Variants in NUP98 observed in about 807,000 individuals in gnomAD.
NUP98 encodes the protein nuclear pore complex protein Nup98-Nup96.
A neutral mutation model predicts 191.9 loss-of-function variants in NUP98; 26 were observed. The ratio of observed to expected loss-of-function variants is 0.14; its 90% CI spans 0.10 to 0.19. The LOEUF (loss-of-function observed/expected upper bound fraction) is 0.19, where lower values mean the gene tolerates loss of function less well. Ranked by LOEUF, NUP98 falls within the 10% of genes least tolerant of loss-of-function variation. NUP98 has a pLI of 1.00. For missense variants in NUP98, 1,941 were observed against 2,178.8 expected (o/e 0.89, Z 2.17); for synonymous variants, 808 against 778.4 (o/e 1.04, Z -0.63).
At chr11:3,787,120 A>G (rs1212885460) in intron 1 of NUP98, among the ~76,000 whole-genome samples, 1 of 151,200 alleles carries the variant, frequency 6.6e-6, no homozygotes, top group African/African-American at 2.4e-5. Context: ...CCTAGATAAG[A>G]AAAGAGGGCT....
chr11:3,694,189 T>C (rs865854368), intron 26 of NUP98, among the ~76,000 whole-genome samples: 17 of 151,084 alleles, frequency 1.1e-4, no homozygotes, highest in African/African-American at 2.7e-4. Flanking sequence ...CTGGCCAACA[T>C]GGGGAAACCC....
At chr11:3,722,625 G>A (rs1484432969) in intron 16 of NUP98, among the ~76,000 whole-genome samples, 1 of 152,082 alleles carries the variant, frequency 6.6e-6, no homozygotes, top group Non-Finnish European at 1.5e-5. Flanking sequence ...CCAGGATTTT[G>A]AGACCAGCCC....
intron 28 of NUP98, among the ~76,000 whole-genome samples, chr11:3,688,987 A>G (rs1365113134): frequency 6.6e-6 from 1 of 152,078 alleles, no homozygotes; most frequent in East Asian, 1.9e-4. Flanking sequence ...TAATCCCAGT[A>G]CTTTAGGAGG....
chr11:3,784,151 G>A (rs2082064338), intron 1 of NUP98, among the ~76,000 whole-genome samples: 2 of 152,118 alleles, frequency 1.3e-5, no homozygotes, highest in Admixed American at 6.6e-5. Flanking sequence ...AACTCAGGCC[G>A]TGTTCATATA....
At chr11:3,774,127 C>T (rs1193427928) in intron 5 of NUP98, among the ~76,000 whole-genome samples, 5 of 152,156 alleles carry the variant, frequency 3.3e-5, no homozygotes, top group East Asian at 1.9e-4. Flanking sequence ...GGGCCAGGAG[C>T]GGTGGCTCAC....
chr11:3,766,102 C>G (rs1304791992), intron 8 of NUP98, among the ~76,000 whole-genome samples: 1 of 152,106 alleles, frequency 6.6e-6, no homozygotes, highest in Admixed American at 6.6e-5. Flanking sequence ...AAGCCAGGTA[C>G]AGCTGCTCAC....
chr11:3,786,125 T>C (rs2082132447), intron 1 of NUP98, among the ~76,000 whole-genome samples: 1 of 152,224 alleles, frequency 6.6e-6, no homozygotes, highest in African/African-American at 2.4e-5. Flanking sequence ...CAAGAATCTA[T>C]TTGCCCAAGA....
chr11:3,710,676 A>G (rs998693270), intron 20 of NUP98, among the ~76,000 whole-genome samples: 4 of 152,198 alleles, frequency 2.6e-5, no homozygotes, highest in Non-Finnish European at 5.9e-5. Flanking sequence ...TAGTTTCCCC[A>G]TGCAAAGTAA....
intron 7 of NUP98, 78 bp downstream of exon 7, chr11:3,771,669 AT>A: frequency 7.0e-6 from 9 of 1,282,034 alleles, no homozygotes; most frequent in Non-Finnish European, 1.0e-5. Context: ...CATAGCACTT[AT>A]CCCAAAATGG....
At chr11:3,789,257 T>C (rs2082253229) in intron 1 of NUP98, among the ~76,000 whole-genome samples, 1 of 152,150 alleles carries the variant, frequency 6.6e-6, no homozygotes, top group African/African-American at 2.4e-5. Flanking sequence ...GTCCCCTCAC[T>C]CTAAACTTTG....
At chr11:3,702,258 C>T (rs1275500505) in intron 23 of NUP98, among the ~76,000 whole-genome samples, 3 of 147,206 alleles carry the variant, frequency 2.0e-5, no homozygotes, top group Non-Finnish European at 4.5e-5. Flanking sequence ...ACACACACAC[C>T]GGGGAAACAG....
chr11:3,732,608 A>T (rs1037393061), intron 13 of NUP98, among the ~76,000 whole-genome samples: 1 of 152,240 alleles, frequency 6.6e-6, no homozygotes, highest in African/African-American at 2.4e-5. Flanking sequence ...CATTAAGTCA[A>T]ACTCTGGGTA....
At chr11:3,755,375 G>A (rs1291720072) in intron 10 of NUP98, among the ~76,000 whole-genome samples, 1 of 151,614 alleles carries the variant, frequency 6.6e-6, no homozygotes, top group Non-Finnish European at 1.5e-5. Context: ...GACGCAGGAA[G>A]ATCGCTTGAA....
At chr11:3,795,207 G>A (rs956749952) in intron 1 of NUP98, among the ~76,000 whole-genome samples, 2 of 152,146 alleles carry the variant, frequency 1.3e-5, no homozygotes, top group Admixed American at 6.5e-5. Flanking sequence ...TTGGGAGGCC[G>A]AGGTGGGGGA....
At chr11:3,724,128 T>A (rs1245744064) in intron 15 of NUP98, among the ~76,000 whole-genome samples, 2 of 152,026 alleles carry the variant, frequency 1.3e-5, no homozygotes, top group Middle Eastern at 3.2e-3. Flanking sequence ...TAATAAAATA[T>A]ATTTATAAAG....
intron 21 of NUP98, among the ~76,000 whole-genome samples, chr11:3,706,118 A>G (rs1373281608): frequency 1.3e-5 from 2 of 152,020 alleles, no homozygotes; most frequent in African/African-American, 4.8e-5. Context: ...GCAGTGAACC[A>G]AGATCACACC....
At chr11:3,718,335 A>C (rs562611375) in intron 18 of NUP98, among the ~76,000 whole-genome samples, 2 of 152,270 alleles carry the variant, frequency 1.3e-5, no homozygotes, top group South Asian at 4.1e-4. Flanking sequence ...CAGGAGTTCA[A>C]GACCAGCCTG....
At chr11:3,737,614 G>A (rs891869794) in intron 12 of NUP98, among the ~76,000 whole-genome samples, 6 of 152,150 alleles carry the variant, frequency 3.9e-5, no homozygotes, top group South Asian at 2.1e-4. Flanking sequence ...GCGACAGAGC[G>A]AGATTCCGTC....
At chr11:3,707,884 T>C (rs950761358) in intron 20 of NUP98, among the ~76,000 whole-genome samples, 1 of 152,074 alleles carries the variant, frequency 6.6e-6, no homozygotes, top group Non-Finnish European at 1.5e-5. Context: ...GTGGATCACC[T>C]GAGGTCAGGA....
Sources: allele counts gnomAD v4.1 joint callset (sites outside exome capture counted in the v4.1 genomes callset), GRCh38; gene constraint gnomAD v4.1.1; transcripts MANE v1.5; gene names NCBI Gene and HGNC (gene_info 2026-07-23, HGNC 2026-07-21).